The following PPM1E variants were observed in gnomAD, a reference collection of about 807,000 sequenced individuals.
PPM1E encodes protein phosphatase, Mg2+/Mn2+ dependent 1E.
Under a neutral mutation model 65.9 loss-of-function variants are expected in PPM1E, and 20 were observed. The observed-to-expected ratio is 0.30, with a 90% CI of 0.21 to 0.44. The LOEUF (loss-of-function observed/expected upper bound fraction) is 0.44, where lower values mean the gene tolerates loss of function less well. PPM1E is among the 20% of genes least tolerant of loss of function. The probability of loss-of-function intolerance (pLI) is 1.00; values close to 1 mark genes in which losing one functional copy is unlikely to be tolerated. For missense variants in PPM1E, 713 were observed against 953.1 expected, an observed-to-expected ratio of 0.75 and a Z score of 3.32; for synonymous variants, 352 against 374.9, an observed-to-expected ratio of 0.94 and a Z score of 0.70.
chr17:58,772,341 A>G (rs1164512077), intron 1 of PPM1E, among the ~76,000 whole-genome samples: 1 of 152,134 alleles, frequency 6.6e-6, no homozygotes, highest in Non-Finnish European at 1.5e-5. Flanking sequence ...CTGTAGCCCC[A>G]GCTACTCAGG....
At chr17:58,837,531 A>G (rs983268634) in intron 1 of PPM1E, among the ~76,000 whole-genome samples, 1 of 148,644 alleles carries the variant, frequency 6.7e-6, no homozygotes, top group Non-Finnish European at 1.5e-5. Flanking sequence ...AGAGTCTCAC[A>G]CAGTCACCTA....
At chr17:58,902,829 A>G (rs1382804088) in intron 1 of PPM1E, among the ~76,000 whole-genome samples, 2 of 152,212 alleles carry the variant, frequency 1.3e-5, no homozygotes, top group Non-Finnish European at 2.9e-5. Flanking sequence ...ATTAAAGTAT[A>G]TTAGAAATGT....
At chr17:58,824,714 G>A (rs372402557) in intron 1 of PPM1E, among the ~76,000 whole-genome samples, 3 of 150,626 alleles carry the variant, frequency 2.0e-5, no homozygotes, top group South Asian at 4.2e-4. Flanking sequence ...TCAGGCTCCC[G>A]AGTAGCTGGG....
intron 1 of PPM1E, among the ~76,000 whole-genome samples, chr17:58,826,127 A>G (rs1306528902): frequency 1.3e-5 from 2 of 151,532 alleles, no homozygotes; most frequent in Non-Finnish European, 2.9e-5. Flanking sequence ...CGTCTCTACT[A>G]AAAATACAAA....
chr17:58,808,864 A>T (rs1433361052), intron 1 of PPM1E, among the ~76,000 whole-genome samples: 1 of 152,062 alleles, frequency 6.6e-6, no homozygotes, highest in African/African-American at 2.4e-5. Context: ...AAAAAAAAAA[A>T]CTTATTTTAA....
At chr17:58,844,645 A>T (rs945829870) in intron 1 of PPM1E, among the ~76,000 whole-genome samples, 1 of 152,210 alleles carries the variant, frequency 6.6e-6, no homozygotes, top group Non-Finnish European at 1.5e-5. Flanking sequence ...CACTAAACTA[A>T]TTATTTCCAT....
At chr17:58,942,431 T>A (rs1331069030) in intron 1 of PPM1E, among the ~76,000 whole-genome samples, 1 of 151,592 alleles carries the variant, frequency 6.6e-6, no homozygotes, top group African/African-American at 2.4e-5. Flanking sequence ...AATTTTCTAA[T>A]TTTTTTTCCT....
chr17:58,949,570 GT>G (rs1288548875), intron 1 of PPM1E, among the ~76,000 whole-genome samples: 1 of 151,930 alleles, frequency 6.6e-6, no homozygotes, highest in Non-Finnish European at 1.5e-5. Context: ...TTTATTGACT[GT>G]TTTCTGAGTA....
At chr17:58,934,842 G>A (rs934052810) in intron 1 of PPM1E, among the ~76,000 whole-genome samples, 3 of 151,520 alleles carry the variant, frequency 2.0e-5, no homozygotes, top group Non-Finnish European at 4.4e-5. Context: ...CAGGAGAATC[G>A]CTTGAACCCA....
intron 1 of PPM1E, among the ~76,000 whole-genome samples, chr17:58,870,316 C>T (rs368172792): frequency 2.6e-5 from 4 of 152,264 alleles, no homozygotes; most frequent in South Asian, 2.1e-4. Context: ...AAATAGCTCT[C>T]CCAGTTATTT....
At chr17:58,900,091 A>G (rs918324158) in intron 1 of PPM1E, among the ~76,000 whole-genome samples, 5 of 152,152 alleles carry the variant, frequency 3.3e-5, no homozygotes, top group African/African-American at 4.8e-5. Context: ...GTGGTTTCTT[A>G]ACATGGAATC....
At chr17:58,953,746 C>CTTTTT (rs71145508) in intron 1 of PPM1E, among the ~76,000 whole-genome samples, 1 of 138,214 alleles carries the variant, frequency 7.2e-6, no homozygotes, top group East Asian at 2.1e-4. Flanking sequence ...ATATTTCCAT[C>CTTTTT]TTTTTTTTTT....
At chr17:58,804,491 C>T (rs1395850662) in intron 1 of PPM1E, among the ~76,000 whole-genome samples, 1 of 152,048 alleles carries the variant, frequency 6.6e-6, no homozygotes, top group Non-Finnish European at 1.5e-5. Context: ...TATTTTCATA[C>T]ACTTTTGGAA....
intron 1 of PPM1E, among the ~76,000 whole-genome samples, chr17:58,864,935 C>T (rs1053841286): frequency 1.1e-4 from 17 of 151,878 alleles, no homozygotes; most frequent in Admixed American, 6.6e-4. Flanking sequence ...AACTCCATCT[C>T]GAAAAACAAC....
Position 58,756,038 on chromosome 17 carries a change from T to G in PPM1E, c.41T>G (p.Phe14Cys). ...CIPEEKTYRR[F>C]LELFLGEFRG... is the part of the protein sequence containing the mutation. ...CCTGAGGAGAAAACTTACCGGCGCT[T>G]CCTGGAGCTATTCCTGGGCGAGTTT... Residue 14 changes from phenylalanine to cysteine, a missense_variant, in exon 1 of 7, where the codon TTC (phenylalanine) becomes TGC (cysteine). Around this residue, in one of 6 missense-constraint regions of PPM1E, gnomAD observed 212 missense variants for 204.0 expected, o/e 1.04. Coordinates refer to ENST00000308249, the MANE Select transcript of PPM1E (RefSeq NM_014906.5). 3 of 1,613,978 alleles carry G rather than the reference T, an allele frequency of 1.9e-6. No individual in the cohort carries two copies. The highest frequency in any genetic ancestry group is 2.5e-6 in the Non-Finnish European group (3 of 1,179,918).
At chr17:58,845,696 T>G (rs548595511) in intron 1 of PPM1E, among the ~76,000 whole-genome samples, 6 of 152,202 alleles carry the variant, frequency 3.9e-5, no homozygotes, top group Non-Finnish European at 5.9e-5. Flanking sequence ...GTTTGTTTGT[T>G]TTTGAGACAG....
At chr17:58,884,635 A>T (rs1419481294) in intron 1 of PPM1E, among the ~76,000 whole-genome samples, 1 of 152,152 alleles carries the variant, frequency 6.6e-6, no homozygotes, top group African/African-American at 2.4e-5. Context: ...ACTGCAGTAC[A>T]TAGTAGTTGA....
At chr17:58,978,747 A>G (rs2031180986) in intron 6 of PPM1E, among the ~76,000 whole-genome samples, 1 of 152,142 alleles carries the variant, frequency 6.6e-6, no homozygotes, top group Non-Finnish European at 1.5e-5. Context: ...TTGTAGTCAT[A>G]AGCTATTTGG....
intron 1 of PPM1E, among the ~76,000 whole-genome samples, chr17:58,918,805 C>CAAAAAA (rs71143301): frequency 9.2e-5 from 7 of 75,808 alleles, no homozygotes; most frequent in Non-Finnish European, 1.1e-4. Flanking sequence ...GACTCCGTCT[C>CAAAAAA]AAAAAAAAAA....
Sources: allele counts gnomAD v4.1 joint callset (sites outside exome capture counted in the v4.1 genomes callset), GRCh38; gene constraint gnomAD v4.1.1; regional missense constraint gnomAD v4.1.1; transcripts MANE v1.5; gene names NCBI Gene and HGNC (gene_info 2026-07-23, HGNC 2026-07-21).